The following ARHGAP24 variants were observed in gnomAD, a reference collection of about 807,000 sequenced individuals.
ARHGAP24 encodes Rho GTPase activating protein 24, also known as rho GTPase-activating protein 24.
In ARHGAP24, 50 loss-of-function variants were observed where a neutral mutation model predicts 76.4. The observed-to-expected ratio is 0.65, with a 90% CI of 0.52 to 0.83. The LOEUF is 0.83. Ranked by LOEUF, ARHGAP24 falls within the 40% of genes least tolerant of loss-of-function variation. ARHGAP24 has a pLI of 0.00. For missense variants in ARHGAP24, 930 were observed against 914.2 expected (o/e 1.02, Z -0.22); for synonymous variants, 345 against 323.3 (o/e 1.07, Z -0.72).
At chr4:85,803,570 G>C (rs1418870913) in intron 3 of ARHGAP24, among the ~76,000 whole-genome samples, 1 of 152,086 alleles carries the variant, frequency 6.6e-6, no homozygotes, top group Admixed American at 6.6e-5. Context: ...TATGTTTTAT[G>C]GGCCTGAAGC....
chr4:85,752,541 T>C (rs887887065), intron 3 of ARHGAP24, among the ~76,000 whole-genome samples: 8 of 152,194 alleles, frequency 5.3e-5, no homozygotes, highest in Admixed American at 3.9e-4. Context: ...CGGTATTAAA[T>C]ATTAAGGCAC....
chr4:85,830,443 G>T (rs1020589082), intron 3 of ARHGAP24, among the ~76,000 whole-genome samples: 2 of 152,150 alleles, frequency 1.3e-5, no homozygotes, highest in African/African-American at 2.4e-5. Flanking sequence ...CCGTTGCTAG[G>T]CTTGGGAACC....
At chr4:85,874,242 C>G (rs1317955945) in intron 3 of ARHGAP24, among the ~76,000 whole-genome samples, 2 of 152,176 alleles carry the variant, frequency 1.3e-5, no homozygotes, top group Non-Finnish European at 2.9e-5. Context: ...GAATCTTGGG[C>G]TCATACATTC....
At chr4:85,773,718 C>A (rs552070605) in intron 3 of ARHGAP24, among the ~76,000 whole-genome samples, 4 of 152,124 alleles carry the variant, frequency 2.6e-5, no homozygotes, top group African/African-American at 7.2e-5. Context: ...AATATAGGCA[C>A]GTCAATAAAT....
At chr4:85,761,762 A>G (rs139569784) in intron 3 of ARHGAP24, among the ~76,000 whole-genome samples, 23 of 152,302 alleles carry the variant, frequency 1.5e-4, no homozygotes, top group African/African-American at 5.5e-4. Flanking sequence ...AGCAGTGGCT[A>G]TCTCAAGGTG....
chr4:85,866,881 G>A (rs956850663), intron 3 of ARHGAP24, among the ~76,000 whole-genome samples: 3 of 152,122 alleles, frequency 2.0e-5, no homozygotes, highest in African/African-American at 7.2e-5. Context: ...GGAAGATGGT[G>A]TGACTTTATA....
intron 2 of ARHGAP24, among the ~76,000 whole-genome samples, chr4:85,588,082 GGGAAAACA>G (rs1727932306): frequency 6.6e-6 from 1 of 152,174 alleles, no homozygotes; most frequent in Non-Finnish European, 1.5e-5. Context: ...AACATGCAGA[GGGAAAACA>G]GGCCTGTGGG....
chr4:85,990,647 T>A (rs2148867360), intron 8 of ARHGAP24: 1 of 151,992 alleles, frequency 6.6e-6, no homozygotes, highest in African/African-American at 2.4e-5. Context: ...TTTTGACCAA[T>A]GTACCACGGT....
chr4:85,915,738 A>G (rs988865565), intron 3 of ARHGAP24, among the ~76,000 whole-genome samples: 3 of 152,194 alleles, frequency 2.0e-5, no homozygotes, highest in Non-Finnish European at 2.9e-5. Flanking sequence ...GGTCCCTGCA[A>G]AGGAAATGAA....
At chr4:85,908,364 T>C (rs1269623603) in intron 3 of ARHGAP24, among the ~76,000 whole-genome samples, 1 of 152,170 alleles carries the variant, frequency 6.6e-6, no homozygotes, top group Non-Finnish European at 1.5e-5. Context: ...ATAGAAAATA[T>C]ATATTATTTC....
chr4:85,591,014 C>T (rs1416799992), intron 2 of ARHGAP24, among the ~76,000 whole-genome samples: 1 of 144,620 alleles, frequency 6.9e-6, no homozygotes, highest in East Asian at 2.0e-4. Context: ...GCAGCACTAA[C>T]CTGTAAAATC....
chr4:85,774,817 T>G (rs577798372), intron 3 of ARHGAP24, among the ~76,000 whole-genome samples: 10 of 152,300 alleles, frequency 6.6e-5, no homozygotes, highest in African/African-American at 2.4e-4. Flanking sequence ...TTTGCCTTCA[T>G]GTTTATGGAC....
chr4:85,578,019 C>A (rs1053238387), intron 2 of ARHGAP24, among the ~76,000 whole-genome samples: 5 of 152,078 alleles, frequency 3.3e-5, no homozygotes, highest in Non-Finnish European at 7.4e-5. Context: ...TATCTTGGGA[C>A]CTTACATTTT....
chr4:85,928,673 G>A (rs1041103923), intron 4 of ARHGAP24, among the ~76,000 whole-genome samples: 2 of 151,930 alleles, frequency 1.3e-5, no homozygotes, highest in African/African-American at 4.8e-5. Flanking sequence ...TGTTGGCCAG[G>A]CTGGTCTCAA....
At chr4:85,704,902 G>T (rs1468000087) in intron 2 of ARHGAP24, among the ~76,000 whole-genome samples, 1 of 152,052 alleles carries the variant, frequency 6.6e-6, no homozygotes, top group Non-Finnish European at 1.5e-5. Flanking sequence ...TACTTTGATT[G>T]ACCAAGGGTC....
chr4:85,958,748 A>G (rs1278469195), intron 5 of ARHGAP24, among the ~76,000 whole-genome samples: 1 of 152,204 alleles, frequency 6.6e-6, no homozygotes, highest in East Asian at 1.9e-4. Flanking sequence ...CAAGTCATGC[A>G]ACCATTACCA....
chr4:85,879,847 A>G (rs1733143082), intron 3 of ARHGAP24, among the ~76,000 whole-genome samples: 1 of 152,120 alleles, frequency 6.6e-6, no homozygotes, highest in Non-Finnish European at 1.5e-5. Flanking sequence ...GTTTTTTCAT[A>G]GATTGCAGGG....
chr4:85,764,691 G>C (rs778620843), intron 3 of ARHGAP24, among the ~76,000 whole-genome samples: 1 of 151,862 alleles, frequency 6.6e-6, no homozygotes, highest in South Asian at 2.1e-4. Flanking sequence ...TCTGACTTTT[G>C]TTTCTATGAA....
intron 5 of ARHGAP24, among the ~76,000 whole-genome samples, chr4:85,953,758 G>C (rs1355834193): frequency 6.6e-6 from 1 of 152,142 alleles, no homozygotes; most frequent in Non-Finnish European, 1.5e-5. Context: ...GGTCAGGGCA[G>C]AGGGAGACTC....
Sources: gnomAD v4.1 joint callset for allele counts (sites outside exome capture counted in the v4.1 genomes callset) on GRCh38, gnomAD v4.1.1 for gene constraint, MANE v1.5 for transcripts, NCBI Gene and HGNC (gene_info 2026-07-23, HGNC 2026-07-21) for gene names.